Variants in ABCD3 observed in about 807,000 individuals in gnomAD.
ABCD3 encodes ATP-binding cassette sub-family D member 3.
In ABCD3, 41 loss-of-function variants were observed where a neutral mutation model predicts 105.5. The ratio of observed to expected loss-of-function variants is 0.39; its 90% CI spans 0.30 to 0.50. The LOEUF is 0.50. Among genes scored for constraint, ABCD3 ranks in the 20% least tolerant of loss-of-function variants. The pLI, the probability that ABCD3 is intolerant of heterozygous loss-of-function variation, is 0.84. For missense variants in ABCD3, 622 were observed against 806.3 expected, an observed-to-expected ratio of 0.77 and a Z score of 2.77; for synonymous variants, 258 against 269.0, an observed-to-expected ratio of 0.96 and a Z score of 0.40.
chr1:94,423,726 T>C (rs1157376953), intron 1 of ABCD3, among the ~76,000 whole-genome samples: 1 of 152,174 alleles, frequency 6.6e-6, no homozygotes, highest in Admixed American at 6.5e-5. Flanking sequence ...TGACTTTTTT[T>C]TTTGTCCTGA....
chr1:94,417,224 T>C (rs1461100113), upstream of ABCD3, among the ~76,000 whole-genome samples: 3 of 152,232 alleles, frequency 2.0e-5, no homozygotes, highest in Non-Finnish European at 4.4e-5. Context: ...TAGAATTCAC[T>C]GTTGAGCACC....
chr1:94,509,110 T>C (rs1334353279), intron 21 of ABCD3, among the ~76,000 whole-genome samples: 1 of 152,300 alleles, frequency 6.6e-6, no homozygotes, highest in East Asian at 1.9e-4. Flanking sequence ...CAGTATGATA[T>C]TGGCTGTGGG....
chr1:94,413,058 AT>A, the ABCD3 span, among the ~76,000 whole-genome samples: 537 of 150,354 alleles, frequency 3.6e-3, 1 homozygote, highest in African/African-American at 0.013. Context: ...CACAAAAAAA[AT>A]GTTTAAGTTG....
chr1:94,445,350 A>T (rs1660307148), intron 1 of ABCD3, among the ~76,000 whole-genome samples: 1 of 152,154 alleles, frequency 6.6e-6, no homozygotes, highest in Admixed American at 6.5e-5. Context: ...CGCTGGAGTG[A>T]TGGTTGGAGA....
At position 94,483,067 on chromosome 1, in the gene ABCD3, T is replaced by C. The variant is rs1649102190; in HGVS notation, c.828-103T>C. 5.1e-6 allele frequency: 4 copies of C among 787,468 alleles called. No individual in the cohort carries two copies. The South Asian group carries it at 6.0e-5, about 12-fold the overall frequency. 48.8% of individuals were successfully genotyped at this position (787,468 alleles called of 1,614,324 possible). ...ACCAGATAAGCTCTTAGTCACAAAA[T>C]GTCCATTTAAATACAAACATTCAGC... On this transcript the variant is annotated intron_variant, in intron 9 of 22. Coordinates refer to ENST00000370214, the MANE Select transcript of ABCD3 (RefSeq NM_002858.4).
At chr1:94,489,853 A>C in intron 14 of ABCD3, 37 bp downstream of exon 14, 1 of 1,611,506 alleles carries the variant, frequency 6.2e-7, no homozygotes, top group Non-Finnish European at 8.5e-7. Context: ...TCACAATTTT[A>C]AGTGTTTGCT....
chr1:94,475,005 CAGAACTGAATTAT>C, intron 5 of ABCD3, 125 bp from the exon 6 acceptor site: 1 of 617,922 alleles, frequency 1.6e-6, no homozygotes. Context: ...TAAAGTAAAA[CAGAACTGAATTAT>C]ATAAATTTGG....
At chr1:94,488,933 A>G (rs542061320) in intron 13 of ABCD3, among the ~76,000 whole-genome samples, 6 of 150,692 alleles carry the variant, frequency 4.0e-5, no homozygotes, top group Admixed American at 1.3e-4. Flanking sequence ...TTGTTGAGGT[A>G]TGATTGACAT....
the ABCD3 span, among the ~76,000 whole-genome samples, chr1:94,408,608 C>T: frequency 6.6e-5 from 10 of 151,830 alleles, no homozygotes; most frequent in Admixed American, 2.0e-4. Flanking sequence ...AACAAACAAA[C>T]AAAAAAATCA....
At chr1:94,392,022 A>C in the ABCD3 span, among the ~76,000 whole-genome samples, 1 of 152,066 alleles carries the variant, frequency 6.6e-6, no homozygotes, top group Non-Finnish European at 1.5e-5. Context: ...TTGAGCATGG[A>C]AAGTTGGGGT....
the ABCD3 span, among the ~76,000 whole-genome samples, chr1:94,399,075 A>G: frequency 6.6e-6 from 1 of 152,154 alleles, no homozygotes; most frequent in Non-Finnish European, 1.5e-5. Flanking sequence ...CATGCAGTTC[A>G]GTGGGTTTTA....
intron 16 of ABCD3, among the ~76,000 whole-genome samples, chr1:94,498,062 A>G (rs537410786): frequency 4.6e-5 from 7 of 152,170 alleles, no homozygotes; most frequent in African/African-American, 1.4e-4. Context: ...GATGATATCA[A>G]TCAGTCAGTA....
the ABCD3 span, among the ~76,000 whole-genome samples, chr1:94,397,660 T>A: frequency 9.9e-5 from 15 of 152,200 alleles, no homozygotes; most frequent in Non-Finnish European, 1.0e-4. Flanking sequence ...AGGTGGTATG[T>A]GCCAGGTTTC....
chr1:94,438,303 C>CACACACACACAT (rs1394281117), intron 1 of ABCD3, among the ~76,000 whole-genome samples: 2 of 45,170 alleles, frequency 4.4e-5, no homozygotes, highest in Non-Finnish European at 8.3e-5. Context: ...CACACACATA[C>CACACACACACAT]ACACACACAC....
chr1:94,424,235 A>C (rs1056742387), intron 1 of ABCD3, among the ~76,000 whole-genome samples: 1 of 152,036 alleles, frequency 6.6e-6, no homozygotes, highest in Non-Finnish European at 1.5e-5. Flanking sequence ...TTAATTAATT[A>C]TATGTCCCAG....
At chr1:94,442,685 A>G (rs557375086) in intron 1 of ABCD3, among the ~76,000 whole-genome samples, 4 of 152,280 alleles carry the variant, frequency 2.6e-5, no homozygotes, top group East Asian at 1.9e-4. Flanking sequence ...ATGTGTACAC[A>G]TCGTTAAGCT....
chr1:94,445,904 C>T (rs1033488440), intron 1 of ABCD3, among the ~76,000 whole-genome samples: 1 of 152,128 alleles, frequency 6.6e-6, no homozygotes, highest in African/African-American at 2.4e-5. Flanking sequence ...TTGATTATAT[C>T]AAGGCCTGTG....
chr1:94,438,297 C>CGT (rs1659985297), intron 1 of ABCD3, among the ~76,000 whole-genome samples: 3 of 92,564 alleles, frequency 3.2e-5, no homozygotes, highest in African/African-American at 1.2e-4. Flanking sequence ...CACACACACA[C>CGT]ACATACACAC....
the ABCD3 span, among the ~76,000 whole-genome samples, chr1:94,385,233 C>T: frequency 6.6e-6 from 1 of 152,074 alleles, no homozygotes; most frequent in Non-Finnish European, 1.5e-5. Flanking sequence ...ATGGCCATCC[C>T]GAGAGGTGAG....
Sources: gnomAD v4.1 joint callset for allele counts (sites outside exome capture counted in the v4.1 genomes callset) on GRCh38, gnomAD v4.1.1 for gene constraint, MANE v1.5 for transcripts, NCBI Gene and HGNC (gene_info 2026-07-23, HGNC 2026-07-21) for gene names.